The following TTC17 variants were observed in gnomAD, a reference collection of about 807,000 sequenced individuals.
The protein encoded by TTC17 is tetratricopeptide repeat protein 17.
A neutral mutation model predicts 143.8 loss-of-function variants in TTC17; 58 were observed. The ratio of observed to expected loss-of-function variants is 0.40; its 90% CI spans 0.33 to 0.50. The LOEUF is 0.50. Ranked by LOEUF, TTC17 falls within the 20% of genes least tolerant of loss-of-function variation. TTC17 has a pLI of 0.49. For synonymous variants in TTC17, 501 were observed against 497.8 expected, an observed-to-expected ratio of 1.01 and a Z score of -0.09; for missense variants, 1,273 against 1,392.5, an observed-to-expected ratio of 0.91 and a Z score of 1.37.
chr11:43,393,769 A>G (rs1857478200), intron 5 of TTC17, among the ~76,000 whole-genome samples: 1 of 152,144 alleles, frequency 6.6e-6, no homozygotes, highest in Non-Finnish European at 1.5e-5. Context: ...TGATTCTTCA[A>G]GTTTTAGGTT....
At chr11:43,422,945 A>G (rs1946941343) in intron 16 of TTC17, among the ~76,000 whole-genome samples, 1 of 152,224 alleles carries the variant, frequency 6.6e-6, no homozygotes, top group Non-Finnish European at 1.5e-5. Context: ...TTCAGTAGGA[A>G]TGATCCAGCA....
chr11:43,400,226 G>A (rs1857790725), intron 9 of TTC17, among the ~76,000 whole-genome samples, 178 bp downstream of exon 9: 1 of 152,118 alleles, frequency 6.6e-6, no homozygotes, highest in Admixed American at 6.5e-5. Flanking sequence ...AGCTGGTTTG[G>A]TCTACCTTGC....
intron 18 of TTC17, chr11:43,446,261 T>A: frequency 2.0e-6 from 2 of 1,008,324 alleles, no homozygotes; most frequent in Non-Finnish European, 2.5e-6. Flanking sequence ...CACTCATCCT[T>A]AAACTTCAAA....
intron 15 of TTC17, among the ~76,000 whole-genome samples, chr11:43,408,625 G>A (rs1833170611): frequency 6.6e-6 from 1 of 152,174 alleles, no homozygotes; most frequent in Admixed American, 6.5e-5. Flanking sequence ...CTCCTTTAGT[G>A]ATCAGTTACC....
intron 11 of TTC17, among the ~76,000 whole-genome samples, chr11:43,404,694 T>C (rs912367914): frequency 1.3e-5 from 2 of 152,144 alleles, no homozygotes; most frequent in African/African-American, 4.8e-5. Flanking sequence ...ACCATTAAAT[T>C]TTCAGAATTT....
intron 10 of TTC17, among the ~76,000 whole-genome samples, chr11:43,403,765 C>A (rs1168412944): frequency 2.6e-5 from 4 of 152,216 alleles, no homozygotes; most frequent in Non-Finnish European, 5.9e-5. Flanking sequence ...CGACCTATGC[C>A]ATTTTTCTCA....
At chr11:43,389,940 T>C in intron 3 of TTC17, 119 bp downstream of exon 3, 1 of 848,118 alleles carries the variant, frequency 1.2e-6, no homozygotes, top group Non-Finnish European at 1.8e-6. Context: ...TTTTCGAATT[T>C]GAAAATTCAA....
At chr11:43,387,516 A>G (rs1857213980) in intron 2 of TTC17, among the ~76,000 whole-genome samples, 1 of 151,760 alleles carries the variant, frequency 6.6e-6, no homozygotes, top group Non-Finnish European at 1.5e-5. Context: ...ATTAATAATA[A>G]CCCCAAAAAT....
At chr11:43,474,432 G>A (rs1013788331) in intron 21 of TTC17, among the ~76,000 whole-genome samples, 2 of 152,086 alleles carry the variant, frequency 1.3e-5, no homozygotes, top group Admixed American at 6.5e-5. Flanking sequence ...GGGGTGGAGA[G>A]GACAAGGAAT....
chr11:43,457,102 A>G (rs927351013), intron 21 of TTC17, among the ~76,000 whole-genome samples: 3 of 152,090 alleles, frequency 2.0e-5, no homozygotes, highest in Non-Finnish European at 4.4e-5. Context: ...TACCTACTAG[A>G]CACCTGAGGT....
In TTC17 at chr11:43,450,187, T is replaced by C; in HGVS notation, c.2892T>C (p.His964=). ...PTSMHTLDHL[H]GVSNRASLHY... ...GTATGCATACCCTGGACCACTTGCA[T>C]GGGGTTTCCAACCGAGCCAGCCTGC... The change falls in exon 20 of 24, where the codon CAT becomes CAC. Residue 964 remains histidine (H), a synonymous_variant. Transcript: ENST00000039989. The C allele has an allele frequency of 1.9e-6, 3 of 1,614,164 alleles. No homozygotes were observed. The highest frequency in any genetic ancestry group is 2.2e-5 in the South Asian group (2 of 91,086).
chr11:43,374,829 G>C (rs551963963), intron 1 of TTC17, among the ~76,000 whole-genome samples: 1 of 150,854 alleles, frequency 6.6e-6, no homozygotes, highest in South Asian at 2.1e-4. Context: ...ATGTAAATTA[G>C]TTCAGCCCCT....
intron 10 of TTC17, among the ~76,000 whole-genome samples, chr11:43,402,216 A>G (rs1857896188): frequency 6.6e-6 from 1 of 152,106 alleles, no homozygotes; most frequent in South Asian, 2.1e-4. Flanking sequence ...TATTATTATT[A>G]TTGAACTCAA....
chr11:43,405,687 T>C, intron 12 of TTC17, 58 bp downstream of exon 12: 1 of 1,609,666 alleles, frequency 6.2e-7, no homozygotes, highest in East Asian at 2.2e-5. Context: ...ATCTAGCGGT[T>C]CTTTGAGAGC....
intron 21 of TTC17, among the ~76,000 whole-genome samples, chr11:43,471,393 G>A (rs757134056): frequency 8.5e-5 from 13 of 152,126 alleles, no homozygotes; most frequent in Non-Finnish European, 1.8e-4. Flanking sequence ...AGACCCAGTC[G>A]CAGACATAAA....
chr11:43,472,857 A>G (rs1948116630), intron 21 of TTC17, among the ~76,000 whole-genome samples: 1 of 151,632 alleles, frequency 6.6e-6, no homozygotes, highest in Admixed American at 6.6e-5. Context: ...AAAAAAAAAA[A>G]AGATCAGAAA....
intron 16 of TTC17, among the ~76,000 whole-genome samples, chr11:43,421,875 C>G (rs1163951465): frequency 9.5e-6 from 1 of 105,088 alleles, no homozygotes; most frequent in Non-Finnish European, 1.7e-5. Context: ...AAGTTGTCTT[C>G]TACGAAAGCA....
chr11:43,381,902 T>C (rs1325940511), intron 2 of TTC17, among the ~76,000 whole-genome samples: 1 of 152,066 alleles, frequency 6.6e-6, no homozygotes, highest in African/African-American at 2.4e-5. Flanking sequence ...AGGTACAGGA[T>C]TGGGGAGGAG....
At chr11:43,415,262 C>CT (rs1261622314) in intron 16 of TTC17, among the ~76,000 whole-genome samples, 1 of 152,110 alleles carries the variant, frequency 6.6e-6, no homozygotes, top group East Asian at 1.9e-4. Flanking sequence ...ATATTTTTCT[C>CT]TTCTTCCACT....
Sources: gnomAD v4.1 joint callset for allele counts (sites outside exome capture counted in the v4.1 genomes callset) on GRCh38, gnomAD v4.1.1 for gene constraint, MANE v1.5 for transcripts, NCBI Gene and HGNC (gene_info 2026-07-23, HGNC 2026-07-21) for gene names.